SCHIP1: variants seen among roughly 807,000 people sequenced by gnomAD.
SCHIP1 encodes schwannomin-interacting protein 1.
SCHIP1 carries 8 observed loss-of-function variants against 29.7 expected under a neutral mutation model. The ratio of observed to expected loss-of-function variants is 0.27; its 90% CI spans 0.16 to 0.49. The LOEUF (loss-of-function observed/expected upper bound fraction) is 0.49. SCHIP1 is among the 20% of genes least tolerant of loss of function. SCHIP1 has a pLI of 0.99. For synonymous variants in SCHIP1, 76 were observed against 94.9 expected, an observed-to-expected ratio of 0.80 and a Z score of 1.16; for missense variants, 193 against 294.6, an observed-to-expected ratio of 0.66 and a Z score of 2.52.
the SCHIP1 span, among the ~76,000 whole-genome samples, chr3:159,362,221 A>G: frequency 6.6e-6 from 1 of 152,170 alleles, no homozygotes. Context: ...AGGTGTTATG[A>G]AGGAGAGAGT....
intron 1 of SCHIP1, among the ~76,000 whole-genome samples, chr3:159,848,713 C>T (rs1458033329): frequency 6.6e-6 from 1 of 151,662 alleles, no homozygotes; most frequent in Non-Finnish European, 1.5e-5. Flanking sequence ...TGGAGTGGGA[C>T]TGGAGGGCTT....
At chr3:159,744,239 T>C in the SCHIP1 span, among the ~76,000 whole-genome samples, 1 of 152,238 alleles carries the variant, frequency 6.6e-6, no homozygotes, top group East Asian at 1.9e-4. Context: ...TTTGTATGTA[T>C]ATTTAAAAAT....
chr3:159,730,568 TTTAA>T, the SCHIP1 span, among the ~76,000 whole-genome samples: 11 of 152,344 alleles, frequency 7.2e-5, no homozygotes, highest in Non-Finnish European at 1.3e-4. Context: ...TTTGCCTCTT[TTTAA>T]TTATTTCATT....
chr3:159,324,421 A>T, the SCHIP1 span, among the ~76,000 whole-genome samples: 1 of 152,128 alleles, frequency 6.6e-6, no homozygotes, highest in African/African-American at 2.4e-5. Context: ...TGCCTGTCTG[A>T]TAGGTAAAAA....
the SCHIP1 span, among the ~76,000 whole-genome samples, chr3:159,377,513 C>A: frequency 6.6e-6 from 1 of 152,160 alleles, no homozygotes; most frequent in African/African-American, 2.4e-5. Context: ...TTGCATTGTT[C>A]AGACTTCGGC....
chr3:159,842,148 TA>T (rs1744282629), intron 1 of SCHIP1, among the ~76,000 whole-genome samples: 1 of 152,170 alleles, frequency 6.6e-6, no homozygotes, highest in African/African-American at 2.4e-5. Flanking sequence ...TACAAGGACT[TA>T]CTTATTTTTT....
At chr3:159,518,625 T>C in the SCHIP1 span, among the ~76,000 whole-genome samples, 71 of 152,100 alleles carry the variant, frequency 4.7e-4, no homozygotes, top group Non-Finnish European at 8.2e-4. Context: ...AAGGACACTT[T>C]CTCAGAGTGT....
chr3:159,388,179 G>T, the SCHIP1 span, among the ~76,000 whole-genome samples: 4 of 152,068 alleles, frequency 2.6e-5, no homozygotes, highest in African/African-American at 9.7e-5. Flanking sequence ...TTTATAAGGA[G>T]TATGAAACTC....
chr3:159,455,032 C>T, the SCHIP1 span, among the ~76,000 whole-genome samples: 1 of 152,086 alleles, frequency 6.6e-6, no homozygotes, highest in Non-Finnish European at 1.5e-5. Flanking sequence ...GACGGAACCC[C>T]AGCAGATGAG....
At chr3:159,772,545 C>T in the SCHIP1 span, among the ~76,000 whole-genome samples, 5 of 152,362 alleles carry the variant, frequency 3.3e-5, no homozygotes, top group Middle Eastern at 3.4e-3. Flanking sequence ...ACATATTACA[C>T]ATTCCCTGAA....
the SCHIP1 span, among the ~76,000 whole-genome samples, chr3:159,538,028 A>C: frequency 6.6e-6 from 1 of 152,146 alleles, no homozygotes; most frequent in African/African-American, 2.4e-5. Context: ...TGGTGGATCA[A>C]AGGAGATTAG....
At chr3:159,463,290 TATC>T in the SCHIP1 span, among the ~76,000 whole-genome samples, 3 of 152,274 alleles carry the variant, frequency 2.0e-5, no homozygotes, top group East Asian at 1.9e-4. Context: ...TTGGGAAAGA[TATC>T]ATCAAATTAT....
At chr3:159,563,920 T>C in the SCHIP1 span, among the ~76,000 whole-genome samples, 1 of 152,182 alleles carries the variant, frequency 6.6e-6, no homozygotes, top group Non-Finnish European at 1.5e-5. Context: ...AGAACGTACC[T>C]TCTCTTTATG....
At chr3:159,338,315 G>A in the SCHIP1 span, among the ~76,000 whole-genome samples, 8 of 152,318 alleles carry the variant, frequency 5.3e-5, no homozygotes, top group Non-Finnish European at 7.4e-5. Flanking sequence ...TGAGTAAAAG[G>A]TGATGTCAAA....
chr3:159,290,761 A>G, the SCHIP1 span, among the ~76,000 whole-genome samples: 1 of 152,126 alleles, frequency 6.6e-6, no homozygotes, highest in Admixed American at 6.6e-5. Context: ...TATTGGCATT[A>G]CTATACTGTA....
At chr3:159,609,138 A>G in the SCHIP1 span, among the ~76,000 whole-genome samples, 1 of 152,148 alleles carries the variant, frequency 6.6e-6, no homozygotes, top group Non-Finnish European at 1.5e-5. Context: ...ATTTCAAGAG[A>G]AGACAAGTGC....
the SCHIP1 span, among the ~76,000 whole-genome samples, chr3:159,321,225 A>G: frequency 1.3e-5 from 2 of 152,180 alleles, no homozygotes; most frequent in Admixed American, 1.3e-4. Flanking sequence ...TTGGCCTCCC[A>G]AAGTGCTGGG....
At chr3:159,576,230 T>C in the SCHIP1 span, among the ~76,000 whole-genome samples, 7 of 152,236 alleles carry the variant, frequency 4.6e-5, no homozygotes, top group Non-Finnish European at 1.0e-4. Flanking sequence ...CATAAACATG[T>C]ACAATTCTTA....
chr3:159,822,485 G>A, the SCHIP1 span, among the ~76,000 whole-genome samples: 1 of 151,654 alleles, frequency 6.6e-6, no homozygotes, highest in Non-Finnish European at 1.5e-5. Flanking sequence ...AGGGCATGAA[G>A]TTGTTGGTAA....
Sources: allele counts gnomAD v4.1 joint callset (sites outside exome capture counted in the v4.1 genomes callset), GRCh38; gene constraint gnomAD v4.1.1; transcripts MANE v1.5; gene names NCBI Gene and HGNC (gene_info 2026-07-23, HGNC 2026-07-21).